Variants in GPC6 observed in about 807,000 individuals in gnomAD.
GPC6 encodes glypican 6.
Under a neutral mutation model 55.2 loss-of-function variants are expected in GPC6, and 14 were observed. That is an observed-to-expected ratio of 0.25 (90% CI 0.17 to 0.40). GPC6 has a LOEUF of 0.40. GPC6 is among the 10% of genes least tolerant of loss of function. GPC6 has a pLI of 1.00. For synonymous variants in GPC6, 278 were observed against 259.6 expected, an observed-to-expected ratio of 1.07 and a Z score of -0.68; for missense variants, 641 against 708.5, an observed-to-expected ratio of 0.90 and a Z score of 1.08.
In GPC6 at chr13:93,524,866, G is replaced by A. The variant is rs1409530505; in HGVS notation, c.161-20397G>A. Among the ~76,000 whole-genome samples, 9 of 152,006 alleles carry A rather than the reference G, an allele frequency of 5.9e-5. No individual in the cohort carries two copies. In the East Asian group the frequency reaches 1.4e-3, roughly 23 times the overall value. ...AGCACTGAATGTGTGTATGTACCTC[G>A]CCATGTGTTGCTGCAAATTTAGCTG... On this transcript the variant is annotated intron_variant, in intron 1 of 8. Transcript: ENST00000377047.
intron 2 of GPC6, among the ~76,000 whole-genome samples, chr13:93,592,604 G>A (rs1412670067): frequency 6.6e-6 from 1 of 150,918 alleles, no homozygotes. Context: ...TAGTAGTATT[G>A]CAAATGAGTA....
Position 93,824,267 on chromosome 13 carries a change from C to G in GPC6, c.320-5887C>G, listed in dbSNP as rs193222906. ...ATAGTCTTGCATATTAAAAACAATA[C>G]TTGAGCAAAGCCTCAATGTGAGTTT... On this transcript the variant is annotated intron_variant, in intron 2 of 8. Coordinates refer to ENST00000377047, the MANE Select transcript of GPC6 (RefSeq NM_005708.5). Among the ~76,000 whole-genome samples, 14 of 152,220 alleles carry G rather than the reference C, an allele frequency of 9.2e-5. No individual in the cohort carries two copies. In the East Asian group the frequency reaches 2.3e-3, roughly 25 times the overall value.
At chr13:94,122,723 A>G (rs981138328) in intron 4 of GPC6, among the ~76,000 whole-genome samples, 2 of 152,124 alleles carry the variant, frequency 1.3e-5, no homozygotes, top group Non-Finnish European at 1.5e-5. Flanking sequence ...AGCTATTTCC[A>G]TATTTTAAAT....
At chr13:93,451,938 A>G (rs1214668577) in intron 1 of GPC6, among the ~76,000 whole-genome samples, 1 of 152,182 alleles carries the variant, frequency 6.6e-6, no homozygotes, top group African/African-American at 2.4e-5. Flanking sequence ...TAGGTGGAAG[A>G]AAAAATTGAG....
At chr13:93,872,381 A>G (rs1322381377) in intron 3 of GPC6, among the ~76,000 whole-genome samples, 1 of 152,040 alleles carries the variant, frequency 6.6e-6, no homozygotes, top group Non-Finnish European at 1.5e-5. Context: ...CTCATAAAGC[A>G]ATGCATCCAT....
chr13:93,639,670 A>G (rs555635402), intron 2 of GPC6, among the ~76,000 whole-genome samples: 20 of 152,270 alleles, frequency 1.3e-4, no homozygotes, highest in Admixed American at 5.9e-4. Flanking sequence ...TTGGTTTGCA[A>G]GAGGAGTCAA....
At chr13:93,532,286 A>G (rs1012589151) in intron 1 of GPC6, among the ~76,000 whole-genome samples, 2 of 152,098 alleles carry the variant, frequency 1.3e-5, no homozygotes, top group Non-Finnish European at 2.9e-5. Context: ...TCTTTTAAAA[A>G]TTGGTGCTGA....
chr13:93,293,256 T>A (rs1878376153), intron 1 of GPC6, among the ~76,000 whole-genome samples: 1 of 152,062 alleles, frequency 6.6e-6, no homozygotes, highest in Non-Finnish European at 1.5e-5. Context: ...AAAAAACAAT[T>A]AAAAATTATG....
At chr13:94,296,270 T>C (rs1228955530) in intron 5 of GPC6, among the ~76,000 whole-genome samples, 1 of 152,230 alleles carries the variant, frequency 6.6e-6, no homozygotes, top group African/African-American at 2.4e-5. Flanking sequence ...TTTTCTCTAA[T>C]CTTTAGAGAT....
At chr13:93,749,013 ATTG>A (rs1884492491) in intron 2 of GPC6, among the ~76,000 whole-genome samples, 1 of 151,958 alleles carries the variant, frequency 6.6e-6, no homozygotes, top group African/African-American at 2.4e-5. Context: ...TCAGTTTCTT[ATTG>A]TTATATAGTA....
intron 3 of GPC6, among the ~76,000 whole-genome samples, chr13:93,877,576 T>C (rs1209210397): frequency 6.6e-6 from 1 of 152,080 alleles, no homozygotes; most frequent in African/African-American, 2.4e-5. Flanking sequence ...CTTCATAAGT[T>C]AGTGTATGAT....
At chr13:93,311,515 C>T (rs1034807113) in intron 1 of GPC6, among the ~76,000 whole-genome samples, 3 of 152,126 alleles carry the variant, frequency 2.0e-5, no homozygotes, top group Middle Eastern at 3.4e-3. Flanking sequence ...TTCCTGGTTC[C>T]GGTAATCCCA....
intron 3 of GPC6, among the ~76,000 whole-genome samples, chr13:93,966,651 A>ATTTTTT (rs59591951): frequency 1.5e-4 from 18 of 118,792 alleles, no homozygotes; most frequent in East Asian, 2.4e-4. Flanking sequence ...TGTTTCCTTC[A>ATTTTTT]TTTTTTTTTT....
intron 4 of GPC6, among the ~76,000 whole-genome samples, chr13:94,141,355 C>T (rs542611620): frequency 1.3e-5 from 2 of 152,304 alleles, no homozygotes; most frequent in East Asian, 1.9e-4. Context: ...TTAACCAATA[C>T]ACTGAGACAG....
intron 4 of GPC6, among the ~76,000 whole-genome samples, chr13:94,232,916 T>C (rs1397438913): frequency 6.6e-6 from 1 of 151,170 alleles, no homozygotes; most frequent in Admixed American, 6.6e-5. Context: ...AACCAGGTAA[T>C]GTAATTATGG....
intron 4 of GPC6, among the ~76,000 whole-genome samples, chr13:94,093,324 G>T (rs1885554977): frequency 6.6e-6 from 1 of 151,934 alleles, no homozygotes; most frequent in Non-Finnish European, 1.5e-5. Flanking sequence ...ACTGCATATG[G>T]ATATCTAGTT....
At chr13:93,531,619 T>C (rs1881871296) in intron 1 of GPC6, among the ~76,000 whole-genome samples, 1 of 152,202 alleles carries the variant, frequency 6.6e-6, no homozygotes, top group Non-Finnish European at 1.5e-5. Flanking sequence ...TACTGGGTGC[T>C]ATGGCCTAGC....
intron 6 of GPC6, among the ~76,000 whole-genome samples, chr13:94,341,143 G>A (rs1027484196): frequency 6.6e-6 from 1 of 152,104 alleles, no homozygotes; most frequent in African/African-American, 2.4e-5. Context: ...TTCCTTCTAG[G>A]CACTTCTATA....
chr13:94,232,893 C>A (rs974126719), intron 4 of GPC6, among the ~76,000 whole-genome samples: 16 of 151,480 alleles, frequency 1.1e-4, no homozygotes, highest in African/African-American at 3.6e-4. Context: ...ATAAGTCAGG[C>A]ACCAGAATGT....
Sources: gnomAD v4.1 joint callset for allele counts (sites outside exome capture counted in the v4.1 genomes callset) on GRCh38, gnomAD v4.1.1 for gene constraint, MANE v1.5 for transcripts, NCBI Gene and HGNC (gene_info 2026-07-23, HGNC 2026-07-21) for gene names.